JAK2: variants seen among roughly 807,000 people sequenced by gnomAD.
The protein encoded by JAK2 is Janus kinase 2, also known as tyrosine-protein kinase JAK2.
JAK2 carries 86 observed loss-of-function variants against 139.3 expected under a neutral mutation model. The observed-to-expected ratio is 0.62, with a 90% CI of 0.52 to 0.74. The LOEUF is 0.74. JAK2 is among the 30% of genes least tolerant of loss of function. The pLI is 0.00. For missense variants in JAK2, 1,421 were observed against 1,360.3 expected (o/e 1.04, Z -0.70); for synonymous variants, 490 against 437.7 (o/e 1.12, Z -1.49).
rs377375844 is a variant in JAK2, at chr9:4,990,877, CA to C, written c.-26+4858del. Among the ~76,000 whole-genome samples the C allele has an allele frequency of 1.0e-3, 159 of 152,208 alleles. 2 individuals carry two copies. The South Asian group carries it at 0.03, about 29-fold the overall frequency. ...GTTGGGTGATCAGTGGAGACTTTTC[CA>C]AAGCTCTCCATCACTAGGACTAAGG... On this transcript the variant is annotated intron_variant, in intron 2 of 24. Transcript: ENST00000381652.
chr9:5,090,512 A>C lies in JAK2; in HGVS notation c.2828A>C (p.Lys943Thr). Residue 943 changes from lysine to threonine, a missense_variant, in exon 21 of 25, where the codon AAA (lysine) becomes ACA (threonine). Physicochemically the swap from Lys to Thr is moderately conservative, Grantham distance 78 (BLOSUM62 -1). Coordinates refer to ENST00000381652, the MANE Select transcript of JAK2 (RefSeq NM_004972.4). The part of the protein sequence containing the change: ...PYGSLRDYLQ[K>T]HKERIDHIKL... ...GGAAGTTTACGAGACTATCTTCAAA[A>C]ACATAAAGAACGGATAGATCACATA... The C allele has an allele frequency of 6.3e-7, 1 of 1,594,412 alleles. No individual in the cohort carries two copies. The highest frequency in any genetic ancestry group is 2.3e-5 in the East Asian group (1 of 44,374).
intron 20 of JAK2, 35 bp downstream of exon 20, chr9:5,089,898 G>A: frequency 1.4e-6 from 2 of 1,390,356 alleles, no homozygotes; most frequent in Admixed American, 5.3e-5. Context: ...TTAAATTCAA[G>A]GTATGTGTTT....
intron 8 of JAK2, among the ~76,000 whole-genome samples, chr9:5,058,048 A>G (rs11998913): frequency 0.089 from 13,562 of 152,148 alleles, 1,810 homozygotes; most frequent in African/African-American, 0.29. Flanking sequence ...ATATGTATGT[A>G]TTCTGTGTCA....
chr9:5,011,739 A>G (rs528883245), intron 2 of JAK2, among the ~76,000 whole-genome samples: 2 of 152,180 alleles, frequency 1.3e-5, no homozygotes, highest in African/African-American at 2.4e-5. Flanking sequence ...GTGGATTTCA[A>G]TCTTTCTCTG....
chr9:5,093,825 AG>A (rs1174813308), intron 22 of JAK2, among the ~76,000 whole-genome samples: 1 of 152,180 alleles, frequency 6.6e-6, no homozygotes, highest in Non-Finnish European at 1.5e-5. Flanking sequence ...GCCGCTATTA[AG>A]GGTTCATTTA....
At chr9:5,041,569 T>C (rs1204281495) in intron 4 of JAK2, 3 of 515,128 alleles carry the variant, frequency 5.8e-6, no homozygotes, top group African/African-American at 3.9e-5. Context: ...GCTACGTACC[T>C]GCACTACGTG....
chr9:4,992,380 G>A (rs564728466), intron 2 of JAK2, among the ~76,000 whole-genome samples: 1 of 152,180 alleles, frequency 6.6e-6, no homozygotes, highest in African/African-American at 2.4e-5. Flanking sequence ...ATGTCCTACT[G>A]GTTGTAAGGG....
chr9:5,111,837 C>T lies in JAK2; in HGVS notation c.3060-11167C>T, dbSNP rs964770844. The T allele has an allele frequency of 3.5e-5, 14 of 404,380 alleles. No homozygotes were observed. The East Asian group carries it at 7.3e-4, about 21-fold the overall frequency. 25.0% of individuals were successfully genotyped at this position (404,380 alleles called of 1,614,324 possible). ...GCGGCGTCTCCAGCCACACGCCTGT[C>T]GGCGGGGCCGACAACCTCCTGGGCT... On this transcript the variant is annotated intron_variant, in intron 22 of 24. Transcript: ENST00000381652.
intron 22 of JAK2, among the ~76,000 whole-genome samples, chr9:5,121,815 G>C (rs527766030): frequency 6.6e-6 from 1 of 152,162 alleles, no homozygotes; most frequent in South Asian, 2.1e-4. Flanking sequence ...TGATAGAACA[G>C]ACAGAAAAAA....
chr9:5,086,016 TA>T (rs1455652332), intron 19 of JAK2: 41 of 812,090 alleles, frequency 5.0e-5, no homozygotes, highest in Non-Finnish European at 8.1e-5. Flanking sequence ...TGATATACTA[TA>T]TACATTTGGA....
chr9:5,008,967 C>A (rs1821504766), intron 2 of JAK2, among the ~76,000 whole-genome samples: 1 of 152,098 alleles, frequency 6.6e-6, no homozygotes, highest in Admixed American at 6.5e-5. Context: ...TCTTGACTGT[C>A]TTCCAAATTA....
At position 5,022,052 on chromosome 9, in the gene JAK2, A is replaced by G. The variant is rs780253547; in HGVS notation, c.65A>G (p.Asn22Ser). Residue 22 changes from asparagine to serine, a missense_variant, in exon 3 of 25, where the codon AAT (asparagine) becomes AGT (serine). Transcript: ENST00000381652. The part of the protein sequence containing the change: ...EGTSTSSIYQ[N>S]GDISGNANSM... ...ACATCCACCTCTTCTATATATCAGA[A>G]TGGTGATATTTCTGGAAATGCCAAT... The G allele has an allele frequency of 1.2e-6, 2 of 1,614,130 alleles. No individual in the cohort carries two copies. Among genetic ancestry groups the G allele is most frequent in the East Asian group, 2.2e-5 (1 of 44,888 alleles).
At chr9:5,041,837 T>G in intron 4 of JAK2, 1 of 477,268 alleles carries the variant, frequency 2.1e-6, no homozygotes, top group Non-Finnish European at 4.2e-6. Flanking sequence ...ACTCCACCAA[T>G]GGGGAGCTGA....
At chr9:5,090,959 A>G (rs574207049) in intron 22 of JAK2, 48 bp downstream of exon 22, 2 of 1,274,194 alleles carry the variant, frequency 1.6e-6, no homozygotes, top group Non-Finnish European at 2.2e-6. Context: ...CACAGACTTC[A>G]AACTTTATTG....
At chr9:5,006,510 A>G (rs1015718616) in intron 2 of JAK2, among the ~76,000 whole-genome samples, 26 of 152,164 alleles carry the variant, frequency 1.7e-4, no homozygotes, top group Non-Finnish European at 4.4e-5. Flanking sequence ...TTTTAAAGAA[A>G]AGTTGTTTAA....
chr9:5,100,973 A>G (rs1342673205), intron 22 of JAK2: 1 of 152,316 alleles, frequency 6.6e-6, no homozygotes, highest in Non-Finnish European at 1.5e-5. Context: ...TCGACGCAGA[A>G]GATGGTGATT....
chr9:5,003,072 T>G (rs1821024828), intron 2 of JAK2, among the ~76,000 whole-genome samples: 1 of 152,030 alleles, frequency 6.6e-6, no homozygotes, highest in African/African-American at 2.4e-5. Context: ...TTGGACTCTA[T>G]TCTGTTCCAT....
At chr9:5,003,924 G>A (rs1821098275) in intron 2 of JAK2, among the ~76,000 whole-genome samples, 1 of 152,048 alleles carries the variant, frequency 6.6e-6, no homozygotes, top group African/African-American at 2.4e-5. Context: ...TTTATTAGGA[G>A]TAGTTTCTGC....
At chr9:5,095,181 T>C (rs1391142233) in intron 22 of JAK2, among the ~76,000 whole-genome samples, 2 of 152,164 alleles carry the variant, frequency 1.3e-5, no homozygotes, top group Non-Finnish European at 1.5e-5. Flanking sequence ...AAATAAGCTA[T>C]TGGGCCCATT....
Sources: allele counts gnomAD v4.1 joint callset (sites outside exome capture counted in the v4.1 genomes callset), GRCh38; gene constraint gnomAD v4.1.1; transcripts MANE v1.5; gene names NCBI Gene and HGNC (gene_info 2026-07-23, HGNC 2026-07-21).